Variants in DUS1L observed in about 807,000 individuals in gnomAD.
DUS1L encodes dihydrouridine synthase 1 like.
DUS1L carries 56 observed loss-of-function variants against 61.2 expected under a neutral mutation model. That is an observed-to-expected ratio of 0.92 (90% CI 0.74 to 1.14). The LOEUF is 1.14. DUS1L is among the 50% of genes most tolerant of loss of function. DUS1L has a pLI of 0.00. For missense variants in DUS1L, 630 were observed against 632.4 expected (o/e 1.00, Z 0.04); for synonymous variants, 278 against 259.5 (o/e 1.07, Z -0.69).
At chr17:82,064,054 CCACACCTGGGGCTG>C in intron 3 of DUS1L, 58 bp downstream of exon 3, 1 of 1,383,150 alleles carries the variant, frequency 7.2e-7, no homozygotes, top group Non-Finnish European at 1.0e-6. Flanking sequence ...TCCAAGCTCA[CCACACCTGGGGCTG>C]CACTGAGCTG....
Position 82,061,711 on chromosome 17 carries a change from C to G in DUS1L, c.604G>C (p.Ala202Pro), listed in dbSNP as rs771455776. 1.2e-6 allele frequency: 2 copies of G among 1,612,822 alleles called. No homozygotes were observed. Among genetic ancestry groups the G allele is most frequent in the Non-Finnish European group, 1.7e-6 (2 of 1,179,828 alleles). ...EHIKAVRKAVAIPVFANGNIQ... is the reference protein window; with the variant it reads ...EHIKAVRKAVPIPVFANGNIQ... Reference sequence around the variant, plus strand: ...TTCCCGTTAGCAAACACAGGGATGGCCACAGCCTTCCTGTTGGCAGAGAAA... The same window carrying G: ...TTCCCGTTAGCAAACACAGGGATGGGCACAGCCTTCCTGTTGGCAGAGAAA... Residue 202 changes from alanine to proline, a missense_variant, in exon 7 of 14, where the codon GCC becomes CCC. Transcript: ENST00000306796.
At chr17:82,058,651 C>T (rs1298771163) in intron 12 of DUS1L, 130 bp downstream of exon 12, 5 of 1,547,302 alleles carry the variant, frequency 3.2e-6, no homozygotes, top group Non-Finnish European at 4.4e-6. Context: ...CTGAGGCATC[C>T]ATGCCACCTT....
chr17:82,061,575 C>T, intron 7 of DUS1L, 43 bp downstream of exon 7: 1 of 1,581,466 alleles, frequency 6.3e-7, no homozygotes, highest in Non-Finnish European at 8.6e-7. Context: ...TGGTATCAGG[C>T]CGTGTGCATG....
intron 4 of DUS1L, 159 bp downstream of exon 4, chr17:82,063,309 C>T: frequency 9.9e-7 from 1 of 1,008,404 alleles, no homozygotes; most frequent in Non-Finnish European, 1.5e-6. Flanking sequence ...CAGCCACCTC[C>T]TTCCAGCAGA....
chr17:82,060,253 C>T (rs920231282), intron 10 of DUS1L, 160 bp from the exon 11 acceptor site: 13 of 949,748 alleles, frequency 1.4e-5, no homozygotes, highest in East Asian at 7.9e-5. Context: ...ATTCAGGACT[C>T]GTCACTAGGG....
chr17:82,064,255 A>G (rs2033654289), intron 2 of DUS1L, 21 bp from the exon 3 acceptor site: 1 of 1,603,052 alleles, frequency 6.2e-7, no homozygotes, highest in East Asian at 2.2e-5. Context: ...TGCAGGAGTC[A>G]GCCACGGGCC....
chr17:82,065,017 G>A lies in DUS1L; in HGVS notation c.43C>T (p.Arg15Ter). ...QGFEFWSRTL[R>*]GARHVVAPMV... The stretch of plus-strand genomic sequence containing the variant: ...GGGGCCACGACGTGGCGGGCCCCTC[G>A]CAGGGTGCGGCTCCAGAACTCGAAG... The change falls in exon 2 of 14, where the codon CGA becomes TGA. Residue 15 changes from arginine (R) to a stop codon, truncating the protein, a stop_gained. Coordinates refer to ENST00000306796, the MANE Select transcript of DUS1L (RefSeq NM_022156.5). LOFTEE classifies it high-confidence loss of function. 6.2e-7 allele frequency: 1 copy of A among 1,609,152 alleles called. No individual in the cohort carries two copies. Among genetic ancestry groups the A allele is most frequent in the Non-Finnish European group, 8.5e-7 (1 of 1,177,636 alleles).
chr17:82,062,239 C>G (rs991713868), intron 5 of DUS1L, among the ~76,000 whole-genome samples: 3 of 152,330 alleles, frequency 2.0e-5, no homozygotes, highest in African/African-American at 7.2e-5. Flanking sequence ...GCATGTGCTG[C>G]CCAGGCCCAT....
At chr17:82,063,189 A>G in intron 4 of DUS1L, 2 of 631,886 alleles carry the variant, frequency 3.2e-6, no homozygotes, top group Non-Finnish European at 5.5e-6. Context: ...AAGCAGGGCC[A>G]AGGCCGGCTC....
intron 5 of DUS1L, 35 bp downstream of exon 5, chr17:82,062,826 G>A (rs951190676): frequency 1.9e-6 from 3 of 1,560,474 alleles, no homozygotes; most frequent in African/African-American, 2.7e-5. Context: ...AGGCCCAGCT[G>A]AGGCCCATGA....
chr17:82,058,876 G>T, intron 11 of DUS1L, 58 bp from the exon 12 acceptor site: 1 of 1,501,656 alleles, frequency 6.7e-7, no homozygotes, highest in Non-Finnish European at 9.3e-7. Context: ...TGGCTGTGGG[G>T]GCTGCCCCGT....
At chr17:82,058,518 C>A in intron 12 of DUS1L, 102 bp from the exon 13 acceptor site, 1 of 1,467,934 alleles carries the variant, frequency 6.8e-7, no homozygotes, top group Admixed American at 2.4e-5. Flanking sequence ...GCCAGATGCC[C>A]ACGGCCTGGA....
At chr17:82,059,511 C>CCA (rs2033346819) in intron 11 of DUS1L, 1 of 176,704 alleles carries the variant, frequency 5.7e-6, no homozygotes, top group Non-Finnish European at 1.2e-5. Context: ...TGAGGCCTTG[C>CCA]CACTGGTGGC....
At chr17:82,058,910 G>A (rs2033259510) in intron 11 of DUS1L, 92 bp from the exon 12 acceptor site, 1 of 1,226,254 alleles carries the variant, frequency 8.2e-7, no homozygotes, top group African/African-American at 1.5e-5. Context: ...GCCTGCTGAT[G>A]GCGTCCATGC....
At chr17:82,061,797 T>G in intron 6 of DUS1L, 76 bp from the exon 7 acceptor site, 1 of 1,596,142 alleles carries the variant, frequency 6.3e-7, no homozygotes, top group Non-Finnish European at 8.6e-7. Context: ...CACGGCCCCC[T>G]GGGTGGTCAC....
intron 5 of DUS1L, among the ~76,000 whole-genome samples, 154 bp from the exon 6 acceptor site, chr17:82,062,137 T>A (rs998173724): frequency 1.3e-5 from 2 of 151,348 alleles, no homozygotes; most frequent in African/African-American, 4.9e-5. Context: ...GCAGGGACCT[T>A]TCCCTCACCA....
intron 2 of DUS1L, 116 bp downstream of exon 2, chr17:82,064,707 G>C (rs2033683078): frequency 4.7e-6 from 5 of 1,057,064 alleles, no homozygotes; most frequent in Non-Finnish European, 6.8e-6. Context: ...TCCTGGAATT[G>C]AGCTGTCTCT....
At position 82,061,270 on chromosome 17, in the gene DUS1L, G is replaced by T. The variant is rs768075209; in HGVS notation, c.781C>A (p.Arg261=). 3.7e-6 allele frequency: 6 copies of T among 1,611,064 alleles called. No homozygotes were observed. The South Asian group carries it at 5.5e-5, about 15-fold the overall frequency. The part of the protein sequence containing the change: ...ELAEEYLDIV[R]EHPCPLSYVR... ...TAGGACAGGGGGCAGGGGTGCTCCC[G>T]CACGATGTCCAGATACTCCTCGGCC... The change falls in exon 8 of 14, where the codon CGG becomes AGG. Residue 261 remains arginine, a synonymous_variant. Transcript: ENST00000306796.
At position 82,064,220 on chromosome 17, in the gene DUS1L, G is replaced by C; in HGVS notation, c.252C>G (p.Asp84Glu). The change falls in exon 3 of 14, where the codon GAC (aspartate) becomes GAG (glutamate). Residue 84 changes from aspartate (D) to glutamate (E), a missense_variant. Transcript: ENST00000306796. ...RPLIVQFCAN[D>E]PEVFVQAALL... ...GAGCCGCCTGAACAAACACCTCCGGGTCATTGGCACAGAACTGGAGAAGAT... is the reference window on the plus strand; with the variant it reads ...GAGCCGCCTGAACAAACACCTCCGGCTCATTGGCACAGAACTGGAGAAGAT... The C allele has an allele frequency of 6.2e-7, 1 of 1,611,806 alleles. No homozygotes were observed. The highest frequency in any genetic ancestry group is 8.5e-7 in the Non-Finnish European group (1 of 1,179,712).
Sources: allele counts gnomAD v4.1 joint callset (sites outside exome capture counted in the v4.1 genomes callset), GRCh38; gene constraint gnomAD v4.1.1; transcripts MANE v1.5; gene names NCBI Gene and HGNC (gene_info 2026-07-23, HGNC 2026-07-21).